GALNTL6: variants seen among roughly 807,000 people sequenced by gnomAD.
GALNTL6 encodes the protein polypeptide N-acetylgalactosaminyltransferase like 6, also known as polypeptide N-acetylgalactosaminyltransferase-like 6.
A neutral mutation model predicts 73.7 loss-of-function variants in GALNTL6; 46 were observed. The observed-to-expected ratio is 0.62, with a 90% confidence interval of 0.49 to 0.80. GALNTL6 has a LOEUF of 0.80. Among genes scored for constraint, GALNTL6 ranks in the 30% least tolerant of loss-of-function variants. The pLI is 0.00. For missense variants in GALNTL6, 604 were observed against 755.0 expected (o/e 0.80, Z 2.34); for synonymous variants, 259 against 263.7 (o/e 0.98, Z 0.17).
chr4:172,536,547 G>T (rs770257424), intron 5 of GALNTL6, among the ~76,000 whole-genome samples: 1 of 152,200 alleles, frequency 6.6e-6, no homozygotes, highest in Non-Finnish European at 1.5e-5. Context: ...GAGAATAGCA[G>T]CATTTTGCCC....
intron 5 of GALNTL6, among the ~76,000 whole-genome samples, chr4:172,649,178 G>A (rs530605294): frequency 1.3e-5 from 2 of 152,150 alleles, no homozygotes; most frequent in South Asian, 4.2e-4. Context: ...TATATTACGA[G>A]TCACATTCTC....
chr4:172,969,018 C>T (rs1464785119), intron 10 of GALNTL6, among the ~76,000 whole-genome samples: 2 of 152,078 alleles, frequency 1.3e-5, no homozygotes, highest in African/African-American at 4.8e-5. Context: ...AAAACTACAA[C>T]ATTAGATTTC....
chr4:171,853,599 CTTTTTTTTTTTTT>C (rs35078885), intron 2 of GALNTL6, among the ~76,000 whole-genome samples: 1 of 35,310 alleles, frequency 2.8e-5, no homozygotes, highest in Non-Finnish European at 5.4e-5. Context: ...TTTAGCCACT[CTTTTTTTTTTTTT>C]TTTTTTTTTT....
chr4:172,943,570 C>T (rs963918747), intron 9 of GALNTL6, among the ~76,000 whole-genome samples: 1 of 152,202 alleles, frequency 6.6e-6, no homozygotes, highest in Admixed American at 6.6e-5. Context: ...AACATTCAGA[C>T]TAATTTTATC....
At position 173,009,192 on chromosome 4, in the gene GALNTL6, A is replaced by C; in HGVS notation, c.1386A>C (p.Ala462=). The change falls in exon 11 of 13, where the codon GCA becomes GCC. Residue 462 remains alanine, a synonymous_variant. Coordinates refer to ENST00000506823, the MANE Select transcript of GALNTL6 (RefSeq NM_001034845.3). ...PAAWGEIRNV[A]ANLCVDSKHG... is the part of the protein sequence containing the mutation. ...TCTTTCCACAGATCCGAAATGTGGC[A>C]GCAAATCTCTGTGTGGACAGCAAGC... 6.2e-7 allele frequency: 1 copy of C among 1,613,560 alleles called. No homozygotes were observed. Among genetic ancestry groups the C allele is most frequent in the South Asian group, 1.1e-5 (1 of 91,070 alleles).
At chr4:172,525,849 C>A (rs1415101960) in intron 5 of GALNTL6, among the ~76,000 whole-genome samples, 2 of 152,044 alleles carry the variant, frequency 1.3e-5, no homozygotes, top group Admixed American at 1.3e-4. Flanking sequence ...GGTGACAGAG[C>A]AAGACCCTGT....
chr4:172,012,673 T>A (rs2110782485), intron 2 of GALNTL6, among the ~76,000 whole-genome samples: 1 of 152,208 alleles, frequency 6.6e-6, no homozygotes, highest in South Asian at 2.1e-4. Flanking sequence ...CAGGCCTTTG[T>A]CCTTTTAACT....
At chr4:172,280,401 G>T (rs902539088) in intron 3 of GALNTL6, among the ~76,000 whole-genome samples, 2 of 151,842 alleles carry the variant, frequency 1.3e-5, no homozygotes, top group African/African-American at 4.8e-5. Flanking sequence ...GACTCTTTAG[G>T]ATCTCCTTTT....
intron 2 of GALNTL6, among the ~76,000 whole-genome samples, chr4:172,122,848 T>G (rs1463053606): frequency 6.6e-6 from 1 of 152,202 alleles, no homozygotes; most frequent in Admixed American, 6.5e-5. Flanking sequence ...CATGTCTGGC[T>G]ATGTGCCTAT....
intron 2 of GALNTL6, among the ~76,000 whole-genome samples, chr4:171,869,284 T>C (rs1298637196): frequency 2.0e-5 from 3 of 152,148 alleles, no homozygotes; most frequent in African/African-American, 7.2e-5. Context: ...AATTAGAGAA[T>C]AAAACAGGCT....
At chr4:172,432,111 C>T (rs957531797) in intron 5 of GALNTL6, among the ~76,000 whole-genome samples, 5 of 152,016 alleles carry the variant, frequency 3.3e-5, no homozygotes, top group Non-Finnish European at 7.4e-5. Context: ...TCATATTTAC[C>T]TCTATCACAT....
intron 2 of GALNTL6, among the ~76,000 whole-genome samples, chr4:171,919,902 A>C (rs1204350170): frequency 6.6e-6 from 1 of 152,138 alleles, no homozygotes; most frequent in Non-Finnish European, 1.5e-5. Flanking sequence ...CAATCCCATT[A>C]CTGGGTGTAT....
rs202066900 is a variant in GALNTL6 at position 172,817,421 on chromosome 4, C to CA, written c.923+3709dup. The stretch of plus-strand genomic sequence containing the variant: ...ATTCAACCTGGGTGAGACCCTATTG[C>CA]AAAAAAAAAAAGTTGAATTAAAATA... On this transcript the variant is annotated intron_variant, in intron 7 of 12. Coordinates refer to ENST00000506823, the MANE Select transcript of GALNTL6 (RefSeq NM_001034845.3). Among the ~76,000 whole-genome samples, 335 of 140,120 alleles carry CA rather than the reference C, an allele frequency of 2.4e-3. 1 individual carries two copies. In the East Asian group the frequency reaches 0.025, roughly 10 times the overall value. The allele number at this position is 140,120 out of a possible 152,430, so 91.9% of individuals were successfully genotyped here.
intron 2 of GALNTL6, among the ~76,000 whole-genome samples, chr4:172,027,703 A>G (rs1450148358): frequency 2.0e-5 from 3 of 152,168 alleles, no homozygotes; most frequent in African/African-American, 7.2e-5. Flanking sequence ...AAGATGGGCC[A>G]AAAGCTAGGT....
chr4:171,826,180 G>A (rs911794369), intron 2 of GALNTL6, among the ~76,000 whole-genome samples: 2 of 151,882 alleles, frequency 1.3e-5, no homozygotes, highest in Admixed American at 6.6e-5. Context: ...CAAATCTCCC[G>A]TGCCACCACC....
At chr4:171,882,342 A>C (rs1736470881) in intron 2 of GALNTL6, among the ~76,000 whole-genome samples, 1 of 152,360 alleles carries the variant, frequency 6.6e-6, no homozygotes, top group African/African-American at 2.4e-5. Context: ...GAGATGCTAT[A>C]GTGAATAAAC....
intron 5 of GALNTL6, among the ~76,000 whole-genome samples, chr4:172,803,726 AT>A (rs1269991776): frequency 1.3e-5 from 2 of 152,334 alleles, no homozygotes; most frequent in African/African-American, 2.4e-5. Flanking sequence ...TTAGCAAAAA[AT>A]ATATTTTATC....
At chr4:172,424,940 G>A (rs1453587034) in intron 5 of GALNTL6, among the ~76,000 whole-genome samples, 3 of 151,872 alleles carry the variant, frequency 2.0e-5, no homozygotes, top group Non-Finnish European at 4.4e-5. Context: ...GCCAGATGTA[G>A]GGAATTCTAG....
At chr4:172,201,426 T>C (rs1735950421) in intron 2 of GALNTL6, among the ~76,000 whole-genome samples, 1 of 151,890 alleles carries the variant, frequency 6.6e-6, no homozygotes, top group African/African-American at 2.4e-5. Context: ...AGGATGGTCT[T>C]GATCTCCTGA....
Sources: allele counts gnomAD v4.1 joint callset (sites outside exome capture counted in the v4.1 genomes callset), GRCh38; gene constraint gnomAD v4.1.1; transcripts MANE v1.5; gene names NCBI Gene and HGNC (gene_info 2026-07-23, HGNC 2026-07-21).